Variants in PRPSAP2 observed in about 807,000 individuals in gnomAD.
The protein encoded by PRPSAP2 is phosphoribosyl pyrophosphate synthetase associated protein 2.
In PRPSAP2, 24 loss-of-function variants were observed where a neutral mutation model predicts 40.6. The observed-to-expected ratio is 0.59, with a 90% CI of 0.43 to 0.83. The LOEUF is 0.83. Ranked by LOEUF, PRPSAP2 falls within the 40% of genes least tolerant of loss-of-function variation. The pLI is 0.00. For missense variants in PRPSAP2, 292 were observed against 465.6 expected, an observed-to-expected ratio of 0.63 and a Z score of 3.43; for synonymous variants, 149 against 164.7, an observed-to-expected ratio of 0.90 and a Z score of 0.73.
intron 8 of PRPSAP2, among the ~76,000 whole-genome samples, chr17:18,906,701 T>C (rs754128309): frequency 6.6e-6 from 1 of 150,624 alleles, no homozygotes; most frequent in Non-Finnish European, 1.5e-5. Flanking sequence ...TTTTTGTGTG[T>C]TTGTTTGTTT....
chr17:18,906,251 T>C (rs962986161), intron 8 of PRPSAP2, among the ~76,000 whole-genome samples: 2 of 152,236 alleles, frequency 1.3e-5, no homozygotes, highest in Non-Finnish European at 2.9e-5. Context: ...GGTCTTTCTC[T>C]GTTGCCCAGG....
chr17:18,928,864 G>T lies in PRPSAP2; in HGVS notation c.858G>T (p.Lys286Asn), dbSNP rs1487249998. 1.2e-6 allele frequency: 2 copies of T among 1,614,144 alleles called. No homozygotes were observed. Among genetic ancestry groups the T allele is most frequent in the South Asian group, 2.2e-5 (2 of 91,086 alleles). ...TTCTTGCTGCAGCAGAGACCCTGAAGGAAAGAGGTGCATATAAGATCTTTG... is the reference window on the plus strand; with the variant it reads ...TTCTTGCTGCAGCAGAGACCCTGAATGAAAGAGGTGCATATAAGATCTTTG... ...DSFLAAAETL[K>N]ERGAYKIFVM... The change falls in exon 11 of 12, where the codon AAG (lysine) becomes AAT (asparagine). Residue 286 changes from lysine to asparagine, a missense_variant. By Grantham distance (94) the Lys-to-Asn change is moderately conservative (BLOSUM62 0). Transcript: ENST00000268835.
At chr17:18,898,911 GTTTGTT>G (rs1421234730) in intron 8 of PRPSAP2, among the ~76,000 whole-genome samples, 2 of 151,758 alleles carry the variant, frequency 1.3e-5, no homozygotes, top group East Asian at 3.9e-4. Flanking sequence ...TTGTTTGTTT[GTTTGTT>G]TGAGATGGAG....
At chr17:18,927,514 T>C (rs1427050648) in intron 10 of PRPSAP2, among the ~76,000 whole-genome samples, 1 of 152,228 alleles carries the variant, frequency 6.6e-6, no homozygotes, top group Non-Finnish European at 1.5e-5. Context: ...CAGTATCCCA[T>C]GGTATAGAGG....
At chr17:18,863,737 T>G (rs938940686) in intron 1 of PRPSAP2, among the ~76,000 whole-genome samples, 2 of 151,982 alleles carry the variant, frequency 1.3e-5, no homozygotes, top group African/African-American at 4.8e-5. Context: ...TTTCGCCATG[T>G]TGTCCAGGCT....
intron 11 of PRPSAP2, 137 bp from the exon 12 acceptor site, chr17:18,930,403 C>A: frequency 2.8e-6 from 2 of 720,628 alleles, no homozygotes; most frequent in Non-Finnish European, 4.4e-6. Flanking sequence ...ATAATTGAAA[C>A]ATTGACTTGA....
chr17:18,891,182 C>T (rs572180296), intron 8 of PRPSAP2, among the ~76,000 whole-genome samples: 3 of 152,240 alleles, frequency 2.0e-5, no homozygotes, highest in East Asian at 1.9e-4. Flanking sequence ...ACCCTGGGCT[C>T]GTGGGCTGGC....
chr17:18,869,362 G>A (rs1188693809), intron 4 of PRPSAP2, among the ~76,000 whole-genome samples: 1 of 145,686 alleles, frequency 6.9e-6, no homozygotes, highest in African/African-American at 2.5e-5. Context: ...TTTTGAGACA[G>A]GGTCTTTCTG....
intron 6 of PRPSAP2, among the ~76,000 whole-genome samples, chr17:18,878,434 A>G (rs2038461270): frequency 6.6e-6 from 1 of 152,238 alleles, no homozygotes; most frequent in Non-Finnish European, 1.5e-5. Context: ...AGGCATTTTC[A>G]GGTAACAACC....
intron 7 of PRPSAP2, among the ~76,000 whole-genome samples, chr17:18,883,496 G>C (rs1319939651): frequency 2.0e-5 from 3 of 148,636 alleles, no homozygotes; most frequent in Admixed American, 1.4e-4. Flanking sequence ...TCCACCTCCC[G>C]GGTTCAAGCA....
intron 5 of PRPSAP2, among the ~76,000 whole-genome samples, chr17:18,873,378 G>A (rs1054755480): frequency 6.6e-6 from 1 of 151,854 alleles, no homozygotes; most frequent in African/African-American, 2.4e-5. Flanking sequence ...GGTTAATTTT[G>A]TGTTTCTAGT....
intron 1 of PRPSAP2, among the ~76,000 whole-genome samples, chr17:18,863,853 T>TA (rs1555546694): frequency 1.1e-4 from 15 of 140,118 alleles, no homozygotes; most frequent in Admixed American, 7.2e-4. Context: ...TTTTTTTTTT[T>TA]AATTTTTTAG....
At chr17:18,888,996 AATGTTTGATG>A (rs1334586230) in intron 7 of PRPSAP2, among the ~76,000 whole-genome samples, 5 of 152,170 alleles carry the variant, frequency 3.3e-5, no homozygotes, top group African/African-American at 9.7e-5. Context: ...TGGGTTTGGT[AATGTTTGATG>A]ATGTTTGATG....
chr17:18,885,403 C>CAAAAAAAAAAAAAA (rs775079199), intron 7 of PRPSAP2, among the ~76,000 whole-genome samples: 1 of 10,986 alleles, frequency 9.1e-5, no homozygotes, highest in African/African-American at 2.2e-4. Context: ...TTCCTTCTCA[C>CAAAAAAAAAAAAAA]AAAAAAAAAA....
At chr17:18,904,293 C>T (rs112068408) in intron 8 of PRPSAP2, 11,176 of 152,242 alleles carry the variant, frequency 0.073, 454 homozygotes, top group Admixed American at 0.098. Context: ...CTCCCTCTGT[C>T]GCCCAGTCTG....
intron 7 of PRPSAP2, among the ~76,000 whole-genome samples, chr17:18,887,766 G>A (rs867247479): frequency 1.3e-5 from 2 of 151,530 alleles, no homozygotes; most frequent in Non-Finnish European, 2.9e-5. Flanking sequence ...CAGCTACTGG[G>A]TTTCTTTAGA....
intron 7 of PRPSAP2, 87 bp downstream of exon 7, chr17:18,882,770 T>A: frequency 1.2e-6 from 1 of 838,972 alleles, no homozygotes; most frequent in Non-Finnish European, 2.0e-6. Context: ...CCTAAAGGAT[T>A]AAAACTTGAT....
At chr17:18,923,050 G>GA (rs888772510) in intron 9 of PRPSAP2, among the ~76,000 whole-genome samples, 2 of 150,298 alleles carry the variant, frequency 1.3e-5, no homozygotes, top group Admixed American at 6.6e-5. Flanking sequence ...CATTCTGTAG[G>GA]GGTTTTTTTT....
At chr17:18,882,492 C>A in intron 6 of PRPSAP2, 76 bp from the exon 7 acceptor site, 1 of 940,974 alleles carries the variant, frequency 1.1e-6, no homozygotes, top group Non-Finnish European at 1.7e-6. Flanking sequence ...GCCTGGGTGA[C>A]AGAATGGGAT....
Sources: gnomAD v4.1 joint callset for allele counts (sites outside exome capture counted in the v4.1 genomes callset) on GRCh38, gnomAD v4.1.1 for gene constraint, MANE v1.5 for transcripts, NCBI Gene and HGNC (gene_info 2026-07-23, HGNC 2026-07-21) for gene names.